Variants in PRDM15 observed in about 807,000 individuals in gnomAD.
The protein encoded by PRDM15 is PR domain zinc finger protein 15.
PRDM15 carries 64 observed loss-of-function variants against 128.6 expected under a neutral mutation model. The observed-to-expected ratio is 0.50, with a 90% CI of 0.41 to 0.61. The LOEUF (loss-of-function observed/expected upper bound fraction) is 0.61. Among genes scored for constraint, PRDM15 ranks in the 20% least tolerant of loss-of-function variants. PRDM15 has a pLI of 0.00. For missense variants in PRDM15, 1,242 were observed against 1,569.1 expected (o/e 0.79, Z 3.52); for synonymous variants, 615 against 621.8 (o/e 0.99, Z 0.16).
In PRDM15 at chr21:41,828,743, AACCACCCGAGC is replaced by A. The variant is rs2146479807; in HGVS notation, c.1367-421_1367-411del. Among the ~76,000 whole-genome samples the A allele has an allele frequency of 1.5e-5, 2 of 135,810 alleles. No individual in the cohort carries two copies. The highest frequency in any genetic ancestry group is 4.9e-4 in the South Asian group (2 of 4,044). The allele number at this position is 135,810 out of a possible 152,430, so 89.1% of individuals were successfully genotyped here. A position where few individuals can be genotyped will look rare whatever the true frequency, so the allele number is the denominator to read the frequency against. On this transcript the variant is annotated intron_variant, in intron 11 of 23. Coordinates refer to ENST00000398548, the MANE Select transcript of PRDM15 (RefSeq NM_001040424.3). The surrounding 1 kb of genome is among the most constrained non-coding windows in gnomAD (Gnocchi z 5.7). ...TGACCTACCTACCAACCAACCAACC[AACCACCCGAGC>A]AACTGACCACCCGACCAATGTGGCC...
At chr21:41,845,273 GCAGGGACACACAGCCCCTCCCCCTCA>G (rs1284267925) in intron 6 of PRDM15, among the ~76,000 whole-genome samples, 134 of 10,354 alleles carry the variant, frequency 0.013, 3 homozygotes, top group African/African-American at 0.063. Flanking sequence ...CTCCCCCCTC[GCAGGGACACACAGCCCCTCCCCCTCA>G]CAGGGACACA....
chr21:41,869,709 T>C (rs2064144725), intron 1 of PRDM15, among the ~76,000 whole-genome samples: 3 of 152,206 alleles, frequency 2.0e-5, no homozygotes, highest in South Asian at 4.1e-4. Context: ...GCCTCCCAAG[T>C]GCTGGGATTA....
intron 1 of PRDM15, among the ~76,000 whole-genome samples, chr21:41,867,686 G>A (rs1048753960): frequency 2.0e-5 from 3 of 152,192 alleles, no homozygotes; most frequent in African/African-American, 7.2e-5. Context: ...TGAAATATTA[G>A]GAAATGAAAG....
intron 22 of PRDM15, 35 bp downstream of exon 22, chr21:41,804,499 A>G (rs1216564803): frequency 6.6e-7 from 1 of 1,521,012 alleles, no homozygotes; most frequent in South Asian, 1.2e-5. Context: ...ACTTACCCCA[A>G]AGTTTCTGAG....
chr21:41,869,223 T>C (rs2064125508), intron 1 of PRDM15, among the ~76,000 whole-genome samples: 1 of 152,132 alleles, frequency 6.6e-6, no homozygotes, highest in Non-Finnish European at 1.5e-5. Context: ...ATGCTTGTGA[T>C]TACCACATCT....
chr21:41,802,103 C>T (rs907861567), intron 23 of PRDM15, among the ~76,000 whole-genome samples: 2 of 152,130 alleles, frequency 1.3e-5, no homozygotes, highest in Admixed American at 6.5e-5. Flanking sequence ...CAGTACCAAT[C>T]GCTAATAAGA....
intron 1 of PRDM15, chr21:41,867,232 C>A: frequency 1.6e-6 from 2 of 1,216,456 alleles, no homozygotes; most frequent in Non-Finnish European, 2.4e-6. Flanking sequence ...GCCTCTGCTG[C>A]GCCGGTAGTC....
intron 1 of PRDM15, among the ~76,000 whole-genome samples, chr21:41,868,203 G>A (rs893103739): frequency 1.3e-5 from 2 of 152,136 alleles, no homozygotes; most frequent in Non-Finnish European, 2.9e-5. Context: ...TGATTCGAGT[G>A]CATTACCGTT....
In PRDM15 at chr21:41,810,663, G is replaced by A. The variant is rs2061835710; in HGVS notation, c.2476+90C>T. On this transcript the variant is annotated intron_variant, in intron 20 of 23. Transcript: ENST00000398548. This position sits in a 1 kb window ranked among gnomAD's most constrained non-coding sequence, Gnocchi z 6.4. Reference sequence around the variant, plus strand: ...ATGTGCTGGAACCGTCTAGATAATAGAATAGTCGTTTCCACCCCAGCAGGC... The same window carrying A: ...ATGTGCTGGAACCGTCTAGATAATAAAATAGTCGTTTCCACCCCAGCAGGC... 1 of 1,022,248 alleles carries A rather than the reference G, an allele frequency of 9.8e-7. No individual in the cohort carries two copies. The highest frequency in any genetic ancestry group is 1.5e-6 in the Non-Finnish European group (1 of 650,706). The allele number at this position is 1,022,248 out of a possible 1,614,324, so 63.3% of individuals were successfully genotyped here. A position where few individuals can be genotyped will look rare whatever the true frequency, so the allele number is the denominator to read the frequency against.
chr21:41,829,035 G>GC (rs2062582504), intron 11 of PRDM15, among the ~76,000 whole-genome samples: 1 of 112,324 alleles, frequency 8.9e-6, no homozygotes, highest in Non-Finnish European at 1.8e-5. Flanking sequence ...ACACACACAC[G>GC]CCCCACCCAA....
At chr21:41,814,091 T>C (rs1298511443) in intron 19 of PRDM15, 1 of 141,014 alleles carries the variant, frequency 7.1e-6, no homozygotes, top group Non-Finnish European at 1.5e-5. Context: ...GTGTTAGTGA[T>C]TGCGCAGGGT....
intron 1 of PRDM15, among the ~76,000 whole-genome samples, chr21:41,878,191 A>AT (rs1347512891): frequency 6.6e-6 from 1 of 152,234 alleles, no homozygotes; most frequent in Admixed American, 6.5e-5. Context: ...GGTTCTCCAA[A>AT]TTCACTTGAG....
intron 18 of PRDM15, among the ~76,000 whole-genome samples, chr21:41,816,316 T>G (rs1183447904): frequency 6.6e-6 from 1 of 152,148 alleles, no homozygotes; most frequent in Non-Finnish European, 1.5e-5. Context: ...ACACAGCCAG[T>G]GGAGAGAGGG....
At position 41,818,725 on chromosome 21, in the gene PRDM15, T is replaced by C. The variant is rs890490054; in HGVS notation, c.2260+857A>G. ...ACCGGGACAGCATGAGCAGGGTCGC[T>C]TGAAACAGCCCAAGACAAACCTGCT... On this transcript the variant is annotated intron_variant, in intron 18 of 23. Transcript: ENST00000398548. Among the ~76,000 whole-genome samples, 104 of 152,232 alleles carry C rather than the reference T, an allele frequency of 6.8e-4. 1 individual carries two copies. The highest frequency in any genetic ancestry group is 1.9e-3 in the African/African-American group (79 of 41,532).
At chr21:41,824,160 C>T (rs1279060428) in intron 13 of PRDM15, among the ~76,000 whole-genome samples, 2 of 64,660 alleles carry the variant, frequency 3.1e-5, no homozygotes, top group African/African-American at 1.2e-4. Flanking sequence ...TCCTAAAGTT[C>T]GCCTGATGCC....
chr21:41,860,296 C>G (rs78976620), intron 2 of PRDM15, 31 bp downstream of exon 2: 49,763 of 1,597,010 alleles, frequency 0.031, 965 homozygotes, highest in South Asian at 0.066. Flanking sequence ...GGGCTGGTCT[C>G]GGACCTGGGA....
chr21:41,836,632 T>C lies in PRDM15; in HGVS notation c.1019A>G (p.Asn340Ser), dbSNP rs1481459530. 1.9e-6 allele frequency: 3 copies of C among 1,606,622 alleles called. No homozygotes were observed. The highest frequency in any genetic ancestry group is 1.7e-5 in the Admixed American group (1 of 59,828). Residue 340 changes from asparagine (N) to serine (S), a missense_variant, in exon 9 of 24, where the codon AAT becomes AGT. By Grantham distance (46) the Asn-to-Ser change is conservative. Around this residue, in one of 3 missense-constraint regions of PRDM15, gnomAD observed 612 missense variants for 717.0 expected, o/e 0.85. Transcript: ENST00000398548. The part of the protein sequence containing the change: ...SSVPKFTHHQ[N>S]NTITLKRSLI... ...GCTCCTCTTGAGCGTGATGGTGTTA[T>C]TCTGATGATGGGTGAACCTGCCCAG...
Position 41,804,558 on chromosome 21 carries a change from G to A in PRDM15, c.2709C>T (p.Asp903=), listed in dbSNP as rs373317468. The A allele has an allele frequency of 2.2e-5, 34 of 1,570,202 alleles. No homozygotes were observed. Among genetic ancestry groups the A allele is most frequent in the African/African-American group, 9.4e-5 (7 of 74,262 alleles). Reference sequence around the variant, plus strand: ...CCTGGACGATGCCAATGGAGGAGGCGTCGATGGTGGTGGTCTCCGGGAGGT... The same window carrying A: ...CCTGGACGATGCCAATGGAGGAGGCATCGATGGTGGTGGTCTCCGGGAGGT... ...LDHLPETTTI[D]ASSIGIVQPE... is the part of the protein sequence containing the mutation. The change falls in exon 22 of 24, where the codon GAC becomes GAT. Residue 903 remains aspartate (D), a synonymous_variant. Coordinates refer to ENST00000398548, the MANE Select transcript of PRDM15 (RefSeq NM_001040424.3).
At chr21:41,868,693 TC>T (rs1256169389) in intron 1 of PRDM15, among the ~76,000 whole-genome samples, 37 of 102,708 alleles carry the variant, frequency 3.6e-4, no homozygotes, top group South Asian at 1.3e-3. Flanking sequence ...TTTTTCTTTT[TC>T]TTTTTTTTTT....
Sources: allele counts gnomAD v4.1 joint callset (sites outside exome capture counted in the v4.1 genomes callset), GRCh38; gene constraint gnomAD v4.1.1; regional missense constraint gnomAD v4.1.1; non-coding constraint Gnocchi (gnomAD v3.1); transcripts MANE v1.5; gene names NCBI Gene and HGNC (gene_info 2026-07-23, HGNC 2026-07-21).